PCDHGA3: variants seen among roughly 807,000 people sequenced by gnomAD.
PCDHGA3 encodes protocadherin gamma-A3.
A neutral mutation model predicts 58.5 loss-of-function variants in PCDHGA3; 40 were observed. The observed-to-expected ratio is 0.68, with a 90% CI of 0.53 to 0.89. The LOEUF (loss-of-function observed/expected upper bound fraction) is 0.89. PCDHGA3 is among the 40% of genes least tolerant of loss of function. The pLI is 0.00. For synonymous variants in PCDHGA3, 530 were observed against 525.7 expected (o/e 1.01, Z -0.11); for missense variants, 1,223 against 1,195.9 (o/e 1.02, Z -0.33).
At chr5:141,418,940 C>G in intron 1 of PCDHGA3, 9 of 1,614,012 alleles carry the variant, frequency 5.6e-6, no homozygotes, top group Non-Finnish European at 6.8e-6. Context: ...GGAGGATTCC[C>G]CTCCAGGAGT....
At chr5:141,389,757 C>T in intron 1 of PCDHGA3, 2 of 1,612,818 alleles carry the variant, frequency 1.2e-6, no homozygotes, top group East Asian at 2.2e-5. Flanking sequence ...GGGCGAAGTG[C>T]GCACAGCGCG....
At chr5:141,381,038 T>G (rs1422573690) in intron 1 of PCDHGA3, among the ~76,000 whole-genome samples, 1 of 152,262 alleles carries the variant, frequency 6.6e-6, no homozygotes, top group Non-Finnish European at 1.5e-5. Context: ...TTAAACAAAA[T>G]TTATCTACTT....
At chr5:141,381,743 C>T (rs9324849) in intron 1 of PCDHGA3, among the ~76,000 whole-genome samples, 4,143 of 151,894 alleles carry the variant, frequency 0.027, 183 homozygotes, top group African/African-American at 0.096. Flanking sequence ...ATTTGGATTC[C>T]GACATTGTTC....
chr5:141,410,269 G>A, intron 1 of PCDHGA3: 1 of 1,614,060 alleles, frequency 6.2e-7, no homozygotes, highest in Non-Finnish European at 8.5e-7. Flanking sequence ...CTGAACTGCA[G>A]TTTTACCTGG....
At chr5:141,404,326 A>G in intron 1 of PCDHGA3, 2 of 1,613,904 alleles carry the variant, frequency 1.2e-6, no homozygotes, top group Non-Finnish European at 1.7e-6. Context: ...CCTCCTACTC[A>G]GTCTACCTCC....
At position 141,431,510 on chromosome 5, in the gene PCDHGA3, G is replaced by T; in HGVS notation, c.2425-63297G>T. On this transcript the variant is annotated intron_variant, in intron 1 of 3. Transcript: ENST00000253812. The surrounding 1 kb of genome is among the most constrained non-coding windows in gnomAD (Gnocchi z 4.8). ...TGCTCAGCCCGAGTACCGCGCGAGC[G>T]TTCCGGAGAATCTGGCCTTGGGCAC... 1 of 1,614,022 alleles carries T rather than the reference G, an allele frequency of 6.2e-7. No individual in the cohort carries two copies. Among genetic ancestry groups the T allele is most frequent in the Non-Finnish European group, 8.5e-7 (1 of 1,180,026 alleles).
chr5:141,384,822 C>T (rs149266522), intron 1 of PCDHGA3: 80 of 1,613,436 alleles, frequency 5.0e-5, no homozygotes, highest in Admixed American at 3.2e-4. Flanking sequence ...TCAAGCAGAG[C>T]CTCGTGGTGG....
chr5:141,410,462 CTG>C (rs1258642453), intron 1 of PCDHGA3: 1 of 1,613,924 alleles, frequency 6.2e-7, no homozygotes, highest in East Asian at 2.2e-5. Context: ...TTCTTATAAT[CTG>C]TGCATTGCAC....
chr5:141,393,934 A>G, intron 1 of PCDHGA3: 3 of 1,613,984 alleles, frequency 1.9e-6, no homozygotes, highest in Non-Finnish European at 2.5e-6. Context: ...GTGCATGACC[A>G]AGACTCTGGA....
intron 1 of PCDHGA3, chr5:141,421,945 A>T: frequency 2.5e-6 from 4 of 1,613,342 alleles, no homozygotes; most frequent in Non-Finnish European, 3.4e-6. Context: ...AAATGATCAC[A>T]TCCCAATGTT....
chr5:141,370,893 C>T (rs116495533), intron 1 of PCDHGA3: 4 of 1,613,944 alleles, frequency 2.5e-6, no homozygotes, highest in Admixed American at 3.3e-5. Flanking sequence ...TGTCAATTCG[C>T]TGCAGCAGTA....
intron 1 of PCDHGA3, chr5:141,392,507 T>TC (rs2092547058): frequency 4.3e-6 from 1 of 231,946 alleles, no homozygotes; most frequent in East Asian, 8.6e-5. Context: ...GATTTTTTTT[T>TC]CTCAGTAATC....
At chr5:141,384,778 C>T (rs1206898496) in intron 1 of PCDHGA3, 6 of 1,613,608 alleles carry the variant, frequency 3.7e-6, no homozygotes, top group East Asian at 2.2e-5. Flanking sequence ...GGGCGAGGTG[C>T]GCACGGCTCG....
At chr5:141,389,512 A>T in intron 1 of PCDHGA3, 1 of 1,613,138 alleles carries the variant, frequency 6.2e-7, no homozygotes, top group Non-Finnish European at 8.5e-7. Context: ...CTCAGCGCGA[A>T]CGTGAGCCTG....
Position 141,346,150 on chromosome 5 carries a change from C to A in PCDHGA3, c.2117C>A (p.Ala706Asp). The A allele has an allele frequency of 6.2e-7, 1 of 1,613,998 alleles. No homozygotes were observed. Among genetic ancestry groups the A allele is most frequent in the Non-Finnish European group, 8.5e-7 (1 of 1,179,934 alleles). The stretch of plus-strand genomic sequence containing the variant: ...GCCGCGGTCTCCTGCGTCTTCCTGG[C>A]CTTCGTCATCGTGCTGCTGGCGCTC... ...AVAAVSCVFL[A>D]FVIVLLALRL... Residue 706 changes from alanine (A) to aspartate (D), a missense_variant, in exon 1 of 4, where the codon GCC (alanine) becomes GAC (aspartate). By Grantham distance (126) the Ala-to-Asp change is moderately radical. Transcript: ENST00000253812.
At position 141,476,675 on chromosome 5, in the gene PCDHGA3, C is replaced by T. The variant is rs2099395961; in HGVS notation, c.2425-18132C>T. On this transcript the variant is annotated intron_variant, in intron 1 of 3. Transcript: ENST00000253812. The surrounding 1 kb of genome is among the most constrained non-coding windows in gnomAD (Gnocchi z 7.6). ...ATACTTTGCGCTTCGCGTGCAGACG[C>T]GGGAGGACAGCACCAAGTACGCGGA... 1.2e-6 allele frequency: 2 copies of T among 1,614,124 alleles called. No homozygotes were observed. The highest frequency in any genetic ancestry group is 8.5e-7 in the Non-Finnish European group (1 of 1,180,062).
intron 1 of PCDHGA3, among the ~76,000 whole-genome samples, chr5:141,347,081 T>G (rs2149742994): frequency 6.7e-6 from 1 of 149,908 alleles, no homozygotes; most frequent in South Asian, 2.1e-4. Context: ...CTCTCTCTCT[T>G]TCCTCCTTCC....
At chr5:141,413,336 A>G (rs1561741680) in intron 1 of PCDHGA3, 1 of 1,613,972 alleles carries the variant, frequency 6.2e-7, no homozygotes, top group Non-Finnish European at 8.5e-7. Flanking sequence ...AACATCTCCA[A>G]GGACTTGGGT....
chr5:141,380,182 G>A (rs997433342), intron 1 of PCDHGA3, among the ~76,000 whole-genome samples: 1 of 152,142 alleles, frequency 6.6e-6, no homozygotes, highest in Non-Finnish European at 1.5e-5. Context: ...TTACAGGCAT[G>A]AGCCACTGAG....
Sources: gnomAD v4.1 joint callset for allele counts (sites outside exome capture counted in the v4.1 genomes callset) on GRCh38, gnomAD v4.1.1 for gene constraint, Gnocchi (gnomAD v3.1) non-coding constraint, MANE v1.5 for transcripts, NCBI Gene and HGNC (gene_info 2026-07-23, HGNC 2026-07-21) for gene names.